The following MYO5C variants were observed in gnomAD, a reference collection of about 807,000 sequenced individuals.
The protein encoded by MYO5C is myosin VC.
A neutral mutation model predicts 235.7 loss-of-function variants in MYO5C; 194 were observed. The ratio of observed to expected loss-of-function variants is 0.82; its 90% CI spans 0.73 to 0.93. The LOEUF (loss-of-function observed/expected upper bound fraction) is 0.93. Among genes scored for constraint, MYO5C ranks in the 40% least tolerant of loss-of-function variants. The probability of loss-of-function intolerance (pLI) is 0.00; values close to 1 mark genes in which losing one functional copy is unlikely to be tolerated. For missense variants in MYO5C, 2,038 were observed against 2,127.2 expected, an observed-to-expected ratio of 0.96 and a Z score of 0.82; for synonymous variants, 707 against 754.8, an observed-to-expected ratio of 0.94 and a Z score of 1.04.
intron 11 of MYO5C, among the ~76,000 whole-genome samples, chr15:52,255,136 T>C (rs1182116990): frequency 6.6e-6 from 1 of 152,198 alleles, no homozygotes; most frequent in Non-Finnish European, 1.5e-5. Flanking sequence ...GTGGTACATG[T>C]GATATTCTGA....
rs766807830 is a variant in MYO5C at position 52,275,689 on chromosome 15, C to T, written c.479G>A (p.Ser160Asn). Residue 160 changes from serine (S) to asparagine (N), a missense_variant, in exon 5 of 41, where the codon AGT (serine) becomes AAT (asparagine). Ser to Asn is a conservative substitution (Grantham distance 46). Transcript: ENST00000261839. ...RNNRNQSIIV[S>N]GESGAGKTVS... ...TGTCTTTCCAGCACCTGACTCCCCA[C>T]TTACAATTATGGACTGGTTTCTGTT... 6.2e-7 allele frequency: 1 copy of T among 1,614,132 alleles called. No individual in the cohort carries two copies. The highest frequency in any genetic ancestry group is 1.7e-5 in the Admixed American group (1 of 60,008).
intron 13 of MYO5C, among the ~76,000 whole-genome samples, chr15:52,249,754 G>T (rs1275669059): frequency 1.3e-5 from 2 of 152,244 alleles, no homozygotes; most frequent in African/African-American, 2.4e-5. Flanking sequence ...GCGAGCATCT[G>T]TGGGGACAGT....
chr15:52,290,034 A>G (rs1036004993), intron 1 of MYO5C, among the ~76,000 whole-genome samples: 9 of 150,586 alleles, frequency 6.0e-5, no homozygotes, highest in African/African-American at 2.2e-4. Context: ...TCATCTTGGC[A>G]CTCTCCTTGC....
intron 11 of MYO5C, 32 bp downstream of exon 11, chr15:52,256,607 G>A (rs1306270403): frequency 6.4e-6 from 10 of 1,566,708 alleles, no homozygotes; most frequent in South Asian, 4.5e-5. Flanking sequence ...GCGCGGCTGA[G>A]AACTAGTCAA....
rs1334011031 is a variant in MYO5C at position 52,205,901 on chromosome 15, T to C, written c.4452A>G (p.Glu1484=). 1 of 1,601,204 alleles carries C rather than the reference T, an allele frequency of 6.2e-7. No homozygotes were observed. The highest frequency in any genetic ancestry group is 8.5e-7 in the Non-Finnish European group (1 of 1,172,784). The change falls in exon 37 of 41, where the codon GAA becomes GAG. Residue 1484 remains glutamate (E), a synonymous_variant. Transcript: ENST00000261839. ...KNCLNNFDLS[E]YRQILSDVAI... ...CCACATCACTGAGAATCTGTCTGTA[T>C]TCTGAAAGGTCAAAATTGTTCAAGC...
intron 38 of MYO5C, among the ~76,000 whole-genome samples, chr15:52,203,742 T>A (rs1408215239): frequency 6.6e-6 from 1 of 152,222 alleles, no homozygotes; most frequent in Non-Finnish European, 1.5e-5. Context: ...TTCTCTCTTT[T>A]TTTTGTACCC....
chr15:52,244,821 G>A (rs947093190), intron 18 of MYO5C, among the ~76,000 whole-genome samples: 14 of 152,294 alleles, frequency 9.2e-5, no homozygotes, highest in African/African-American at 1.9e-4. Flanking sequence ...CATTTGCGGC[G>A]ATTCTCAGTT....
chr15:52,271,972 C>T, intron 6 of MYO5C, 128 bp from the exon 7 acceptor site: 1 of 512,390 alleles, frequency 2.0e-6, no homozygotes, highest in Non-Finnish European at 3.3e-6. Flanking sequence ...GTGATCTGGC[C>T]AGTTCACAAG....
chr15:52,264,664 A>G (rs1041147180), intron 8 of MYO5C, among the ~76,000 whole-genome samples: 5 of 152,064 alleles, frequency 3.3e-5, no homozygotes, highest in Admixed American at 1.3e-4. Flanking sequence ...TCCCTGAATT[A>G]TTTTTTAGGT....
intron 11 of MYO5C, among the ~76,000 whole-genome samples, chr15:52,255,089 C>T (rs1377389838): frequency 6.6e-6 from 1 of 151,122 alleles, no homozygotes; most frequent in Non-Finnish European, 1.5e-5. Context: ...ATTATTGACT[C>T]TTTTTAAATT....
intron 11 of MYO5C, among the ~76,000 whole-genome samples, chr15:52,253,854 G>A (rs1042313675): frequency 3.9e-5 from 6 of 152,260 alleles, no homozygotes; most frequent in Non-Finnish European, 7.3e-5. Context: ...TGCGGGGCCG[G>A]TGGGAGAAGC....
intron 10 of MYO5C, 121 bp downstream of exon 10, chr15:52,260,741 G>T: frequency 8.7e-7 from 1 of 1,154,590 alleles, no homozygotes; most frequent in Non-Finnish European, 1.2e-6. Flanking sequence ...AGGGGCAAAA[G>T]CAGAGAATGT....
intron 36 of MYO5C, among the ~76,000 whole-genome samples, 186 bp downstream of exon 36, chr15:52,208,368 G>T (rs556073800): frequency 6.6e-6 from 1 of 152,200 alleles, no homozygotes; most frequent in African/African-American, 2.4e-5. Flanking sequence ...AGGAGGCCTA[G>T]TACCATGCCC....
intron 35 of MYO5C, among the ~76,000 whole-genome samples, chr15:52,210,094 G>A (rs565017098): frequency 5.6e-4 from 85 of 152,184 alleles, no homozygotes; most frequent in African/African-American, 1.9e-3. Flanking sequence ...TTCCTGAGTA[G>A]CTGGGACTAC....
intron 1 of MYO5C, among the ~76,000 whole-genome samples, chr15:52,291,731 G>GTTATTTTTTTTTTTTTTT (rs2037391906): frequency 1.9e-5 from 1 of 52,562 alleles, no homozygotes; most frequent in African/African-American, 8.3e-5. Flanking sequence ...CATATTTTAT[G>GTTATTTTTTTTTTTTTTT]TTTTTTTTTT....
intron 18 of MYO5C, among the ~76,000 whole-genome samples, chr15:52,245,142 C>T (rs553203216): frequency 7.9e-5 from 12 of 152,274 alleles, no homozygotes; most frequent in African/African-American, 2.4e-4. Context: ...CTGGGGAGGC[C>T]GGAGTTCGGA....
At chr15:52,208,881 G>GAATGCATGAGA (rs2035382871) in intron 35 of MYO5C, among the ~76,000 whole-genome samples, 1 of 152,176 alleles carries the variant, frequency 6.6e-6, no homozygotes, top group Admixed American at 6.5e-5. Flanking sequence ...GGTCCTGAAG[G>GAATGCATGAGA]AATGCATGAG....
intron 31 of MYO5C, 124 bp from the exon 32 acceptor site, chr15:52,218,811 C>A: frequency 1.0e-6 from 1 of 954,536 alleles, no homozygotes; most frequent in South Asian, 1.7e-5. Flanking sequence ...CTGTGTAAAG[C>A]AAATAGTATT....
chr15:52,237,919 G>GCCGC (rs1566973949), intron 21 of MYO5C, among the ~76,000 whole-genome samples: 1 of 150,408 alleles, frequency 6.6e-6, no homozygotes, highest in Non-Finnish European at 1.5e-5. Flanking sequence ...TATGAACTGT[G>GCCGC]CCCCCCGCCA....
Sources: allele counts gnomAD v4.1 joint callset (sites outside exome capture counted in the v4.1 genomes callset), GRCh38; gene constraint gnomAD v4.1.1; transcripts MANE v1.5; gene names NCBI Gene and HGNC (gene_info 2026-07-23, HGNC 2026-07-21).